The following CDH18 variants were observed in gnomAD, a reference collection of about 807,000 sequenced individuals.
The protein encoded by CDH18 is cadherin 18.
A neutral mutation model predicts 67.9 loss-of-function variants in CDH18; 31 were observed. The observed-to-expected ratio is 0.46, with a 90% confidence interval of 0.34 to 0.62. The LOEUF is 0.62. CDH18 is among the 20% of genes least tolerant of loss of function. The pLI is 0.01. For missense variants in CDH18, 890 were observed against 975.5 expected (o/e 0.91, Z 1.17); for synonymous variants, 362 against 347.2 (o/e 1.04, Z -0.48).
chr5:19,915,502 T>C (rs1437724828), intron 2 of CDH18, among the ~76,000 whole-genome samples: 1 of 152,118 alleles, frequency 6.6e-6, no homozygotes, highest in African/African-American at 2.4e-5. Flanking sequence ...TCGAACAGCC[T>C]ACTGTTGACT....
At chr5:20,172,226 A>ATATATATATATATATG (rs1736861001) in intron 2 of CDH18, among the ~76,000 whole-genome samples, 1 of 105,852 alleles carries the variant, frequency 9.4e-6, no homozygotes, top group Non-Finnish European at 1.8e-5. Flanking sequence ...ATATATATGT[A>ATATATATATATATATG]TATATATATA....
chr5:19,771,305 C>G (rs1380529859), intron 3 of CDH18, among the ~76,000 whole-genome samples: 1 of 152,220 alleles, frequency 6.6e-6, no homozygotes, highest in Non-Finnish European at 1.5e-5. Context: ...ATATTGGCTT[C>G]TGTCATGCTT....
chr5:19,678,238 C>A (rs1759772683), intron 5 of CDH18, among the ~76,000 whole-genome samples: 1 of 107,602 alleles, frequency 9.3e-6, no homozygotes, highest in Non-Finnish European at 2.1e-5. Context: ...AAACAATCCT[C>A]AGCAAATCAA....
At chr5:20,405,941 T>C (rs1746209816) in intron 1 of CDH18, among the ~76,000 whole-genome samples, 1 of 152,152 alleles carries the variant, frequency 6.6e-6, no homozygotes, top group Non-Finnish European at 1.5e-5. Context: ...CAACAGGTGC[T>C]GGAGAGGATG....
intron 5 of CDH18, among the ~76,000 whole-genome samples, chr5:19,664,605 A>AG (rs5866392): frequency 1 from 151,792 of 152,068 alleles, 75,758 homozygotes; most frequent in Non-Finnish European, 1. Flanking sequence ...AAAGACGTTA[A>AG]AATATTTAGT....
chr5:19,626,696 G>GA (rs11426888), intron 5 of CDH18, among the ~76,000 whole-genome samples: 13,056 of 145,220 alleles, frequency 0.09, 934 homozygotes, highest in East Asian at 0.26. Context: ...GCAGATTAGT[G>GA]AAAAAAAAAA....
intron 1 of CDH18, among the ~76,000 whole-genome samples, chr5:20,490,125 C>A (rs1377178140): frequency 1.3e-5 from 2 of 151,330 alleles, no homozygotes; most frequent in Non-Finnish European, 2.9e-5. Context: ...ATCATTGCTA[C>A]TCGCTAAAGA....
chr5:20,495,914 GA>G (rs1753878995), intron 1 of CDH18, among the ~76,000 whole-genome samples: 1 of 152,118 alleles, frequency 6.6e-6, no homozygotes, highest in Non-Finnish European at 1.5e-5. Flanking sequence ...AGGAAGAATG[GA>G]ATACAACTTG....
At position 19,634,704 on chromosome 5, in the gene CDH18, A is replaced by AG. The variant is rs552190090; in HGVS notation, c.644-22104dup. 5.9e-3 allele frequency among the ~76,000 whole-genome samples: 895 copies of AG among 152,052 alleles called. 9 individuals carry two copies. The highest frequency in any genetic ancestry group is 7.2e-3 in the African/African-American group (297 of 41,498). Reference sequence around the variant, plus strand: ...GTAATCCCAGCACTTTGGGAGCCTGAGGGTGGGTGGATCACCTGAGGTTGG... The same window carrying AG: ...GTAATCCCAGCACTTTGGGAGCCTGAGGGGTGGGTGGATCACCTGAGGTTGG... On this transcript the variant is annotated intron_variant, in intron 5 of 12. Transcript: ENST00000382275.
At chr5:20,383,066 A>T (rs980362049) in intron 1 of CDH18, among the ~76,000 whole-genome samples, 6 of 152,134 alleles carry the variant, frequency 3.9e-5, no homozygotes, top group Non-Finnish European at 8.8e-5. Flanking sequence ...AAATCCCTTA[A>T]AAAAACTCTT....
chr5:20,441,719 T>C (rs769751121), intron 1 of CDH18, among the ~76,000 whole-genome samples: 6 of 152,022 alleles, frequency 3.9e-5, no homozygotes, highest in African/African-American at 9.7e-5. Context: ...TTTTTATCAT[T>C]ATTATTTTGT....
At chr5:19,540,246 G>A (rs578207785) in intron 9 of CDH18, among the ~76,000 whole-genome samples, 26 of 152,000 alleles carry the variant, frequency 1.7e-4, no homozygotes, top group Non-Finnish European at 3.4e-4. Context: ...CATGTCTCAC[G>A]TCCAGGTCAT....
chr5:20,025,094 C>A (rs1738776856), intron 2 of CDH18, among the ~76,000 whole-genome samples: 1 of 152,182 alleles, frequency 6.6e-6, no homozygotes, highest in Non-Finnish European at 1.5e-5. Context: ...GCCTGTTACT[C>A]TTCTCTGATC....
At chr5:19,662,588 T>C (rs1757331838) in intron 5 of CDH18, among the ~76,000 whole-genome samples, 2 of 152,196 alleles carry the variant, frequency 1.3e-5, no homozygotes, top group South Asian at 4.1e-4. Flanking sequence ...AATTAAAATG[T>C]CTTTTTTCTA....
At chr5:19,580,479 T>C (rs1314637327) in intron 7 of CDH18, among the ~76,000 whole-genome samples, 2 of 151,888 alleles carry the variant, frequency 1.3e-5, no homozygotes, top group East Asian at 3.9e-4. Flanking sequence ...TCCTAGCACA[T>C]GGAATTTGAT....
chr5:20,250,894 T>C (rs1743809117), intron 2 of CDH18, among the ~76,000 whole-genome samples: 1 of 152,054 alleles, frequency 6.6e-6, no homozygotes, highest in South Asian at 2.1e-4. Context: ...GTGTGAGCAA[T>C]GGCGCCCAGC....
chr5:19,624,601 TCTGTCACTGGATGAGTG>T, intron 5 of CDH18, among the ~76,000 whole-genome samples: 1 of 152,250 alleles, frequency 6.6e-6, no homozygotes, highest in South Asian at 2.1e-4. Context: ...CCTCCTTCAT[TCTGTCACTGGATGAGTG>T]CTGTCCTGGA....
At chr5:19,488,130 A>G (rs1400477411) in intron 11 of CDH18, among the ~76,000 whole-genome samples, 1 of 152,198 alleles carries the variant, frequency 6.6e-6, no homozygotes, top group Non-Finnish European at 1.5e-5. Flanking sequence ...CTTGCAGGAT[A>G]GACTTTAATT....
At chr5:20,395,548 C>T (rs1440919343) in intron 1 of CDH18, among the ~76,000 whole-genome samples, 1 of 152,124 alleles carries the variant, frequency 6.6e-6, no homozygotes, top group Non-Finnish European at 1.5e-5. Flanking sequence ...ACAATTTATC[C>T]ATGTAACCAA....
Sources: gnomAD v4.1 joint callset for allele counts (sites outside exome capture counted in the v4.1 genomes callset) on GRCh38, gnomAD v4.1.1 for gene constraint, MANE v1.5 for transcripts, NCBI Gene and HGNC (gene_info 2026-07-23, HGNC 2026-07-21) for gene names.